The following MMEL1 variants were observed in gnomAD, a reference collection of about 807,000 sequenced individuals.
MMEL1 encodes membrane metalloendopeptidase like 1.
A neutral mutation model predicts 117.1 loss-of-function variants in MMEL1; 98 were observed. The observed-to-expected ratio is 0.84, with a 90% CI of 0.71 to 0.99. The LOEUF (loss-of-function observed/expected upper bound fraction) is 0.99. MMEL1 is among the 50% of genes least tolerant of loss of function. The probability of loss-of-function intolerance (pLI) is 0.00; values close to 1 mark genes in which losing one functional copy is unlikely to be tolerated. For missense variants in MMEL1, 1,014 were observed against 1,049.1 expected, an observed-to-expected ratio of 0.97 and a Z score of 0.46; for synonymous variants, 390 against 415.1, an observed-to-expected ratio of 0.94 and a Z score of 0.74.
chr1:2,598,451 G>T, intron 12 of MMEL1, 151 bp from the exon 13 acceptor site: 1 of 1,157,692 alleles, frequency 8.6e-7, no homozygotes, highest in Non-Finnish European at 1.2e-6. Context: ...CCAAGATCCA[G>T]CCCATCTGCC....
intron 11 of MMEL1, among the ~76,000 whole-genome samples, chr1:2,601,046 C>T (rs1055595019): frequency 7.2e-5 from 11 of 152,122 alleles, no homozygotes; most frequent in Non-Finnish European, 1.5e-4. Flanking sequence ...TCAAAGTGAT[C>T]CCTATCAAAT....
chr1:2,593,029 C>T (rs1488397978), intron 19 of MMEL1, 63 bp from the exon 20 acceptor site: 21 of 1,584,908 alleles, frequency 1.3e-5, no homozygotes, highest in Non-Finnish European at 1.7e-5. Context: ...GGCCCCACGG[C>T]AGCCACTGTG....
intron 11 of MMEL1, among the ~76,000 whole-genome samples, chr1:2,600,536 G>A (rs1644913707): frequency 6.6e-6 from 1 of 150,484 alleles, no homozygotes; most frequent in Non-Finnish European, 1.5e-5. Context: ...CTGTTTCTGG[G>A]AAAAAAAAAA....
chr1:2,591,682 A>C, intron 22 of MMEL1, 49 bp from the exon 23 acceptor site: 2 of 482,550 alleles, frequency 4.1e-6, no homozygotes, highest in Non-Finnish European at 7.9e-6. Context: ...TGGGGTGGCC[A>C]GGAGGGGTGG....
At chr1:2,607,341 G>A (rs377093461) in intron 6 of MMEL1, among the ~76,000 whole-genome samples, 95 of 152,266 alleles carry the variant, frequency 6.2e-4, no homozygotes, top group African/African-American at 2.1e-3. Context: ...CATGAGCCCC[G>A]GGGGACAAAG....
At position 2,596,650 on chromosome 1, in the gene MMEL1, C is replaced by T. The variant is rs1644846005; in HGVS notation, c.1312G>A (p.Glu438Lys). ...GTMVEEVRWR[E>K]CVGYVNSNME... ...TTGCTGTTGACGTAGCCCACACATT[C>T]ACGCCAGCGCACCTCCTCCACCATT... Residue 438 changes from glutamate (E) to lysine (K), a missense_variant, in exon 14 of 24, where the codon GAA becomes AAA. By Grantham distance (56) the Glu-to-Lys change is moderately conservative. Transcript: ENST00000378412. 5 of 1,613,146 alleles carry T rather than the reference C, an allele frequency of 3.1e-6. No individual in the cohort carries two copies. Among genetic ancestry groups the T allele is most frequent in the Non-Finnish European group, 3.4e-6 (4 of 1,179,842 alleles).
At chr1:2,594,932 G>T in intron 16 of MMEL1, 39 bp from the exon 17 acceptor site, 1 of 1,564,428 alleles carries the variant, frequency 6.4e-7, no homozygotes, top group Non-Finnish European at 8.8e-7. Flanking sequence ...TGCTGGGGCC[G>T]GGCCCTCAGA....
chr1:2,593,904 AG>A lies in MMEL1; in HGVS notation c.1776del (p.Phe593SerfsTer10). Reference protein sequence around the residue: ...IVFPAGILQPPFFSKEQPQAL... With the variant: ...IVFPAGILQPXFFSKEQPQAL... ...GCCTGTGGCTGCTCCTTGCTGAAGA[AG>A]GGGGGCTGGAGGATCCCGGCAGGGA... On this transcript the variant is annotated frameshift_variant, in exon 19 of 24. Transcript: ENST00000378412. LOFTEE classifies it high-confidence loss of function. 6.2e-7 allele frequency: 1 copy of A among 1,611,352 alleles called. No homozygotes were observed. Among genetic ancestry groups the A allele is most frequent in the Non-Finnish European group, 8.5e-7 (1 of 1,178,688 alleles).
At chr1:2,632,427 A>G (rs1557569148) in intron 1 of MMEL1, 1 of 152,294 alleles carries the variant, frequency 6.6e-6, no homozygotes, top group Non-Finnish European at 1.5e-5. Flanking sequence ...GTCTGAGCTC[A>G]GCTTCCACGA....
At chr1:2,624,609 C>T (rs934425963) in intron 2 of MMEL1, among the ~76,000 whole-genome samples, 1 of 152,222 alleles carries the variant, frequency 6.6e-6, no homozygotes, top group African/African-American at 2.4e-5. Flanking sequence ...AGAAGTATCT[C>T]AGACCCTCCC....
intron 6 of MMEL1, among the ~76,000 whole-genome samples, chr1:2,608,002 C>A (rs1645057226): frequency 6.6e-6 from 1 of 152,130 alleles, no homozygotes. Flanking sequence ...TCCAGTTTTC[C>A]ACATGGTCTG....
At chr1:2,592,136 G>C in intron 21 of MMEL1, 109 bp from the exon 22 acceptor site, 1 of 855,938 alleles carries the variant, frequency 1.2e-6, no homozygotes, top group Non-Finnish European at 1.8e-6. Context: ...CCCTGTGGGG[G>C]TCCTGCTGCT....
chr1:2,591,989 C>T lies in MMEL1; in HGVS notation c.2106G>A (p.Gln702=). ...GGGTGAGATCCAGGCCGGGCAGCTG[C>T]TGGTCCTTGCCACCCTCTGCCATCC... ...LKWMAEGGKD[Q]QLPGLDLTHE... Residue 702 remains glutamine, a synonymous_variant, in exon 22 of 24, where the codon CAG becomes CAA. Transcript: ENST00000378412. 6.2e-7 allele frequency: 1 copy of T among 1,613,344 alleles called. No homozygotes were observed. Among genetic ancestry groups the T allele is most frequent in the Non-Finnish European group, 8.5e-7 (1 of 1,179,842 alleles).
At chr1:2,620,350 C>T (rs536905559) in intron 2 of MMEL1, among the ~76,000 whole-genome samples, 4 of 152,074 alleles carry the variant, frequency 2.6e-5, no homozygotes, top group Admixed American at 1.3e-4. Flanking sequence ...GAAGGACGAG[C>T]GCTAAATAAA....
Position 2,592,671 on chromosome 1 carries a change from AC to A in MMEL1, c.2050del (p.Val684CysfsTer61), listed in dbSNP as rs775061503. Reference protein sequence around the residue: ...LGENIADNGGVRQAYKAYLKW... With the variant: ...LGENIADNGGXRQAYKAYLKW... Reference sequence around the variant, plus strand: ...AGGCCCCACCTTATAGGCTTGCCGCACCCCTCCGTTGTCAGCAATGTTTTCC... The same window carrying A: ...AGGCCCCACCTTATAGGCTTGCCGCACCCTCCGTTGTCAGCAATGTTTTCC... On this transcript the variant is annotated frameshift_variant, in exon 21 of 24. Transcript: ENST00000378412. LOFTEE classifies it high-confidence loss of function. The A allele has an allele frequency of 6.7e-7, 1 of 1,498,378 alleles. No homozygotes were observed. The allele number at this position is 1,498,378 out of a possible 1,614,324, so 92.8% of individuals were successfully genotyped here.
chr1:2,609,708 A>G lies in MMEL1; in HGVS notation c.416T>C (p.Phe139Ser). ...IPETNSRYSI[F>S]DVLRDELEVI... is the part of the protein sequence containing the mutation. ...CTCCAGCTCGTCGCGGAGGACGTCA[A>G]AGATGCTGTATCTTGAGTTGGTCTC... Residue 139 changes from phenylalanine to serine, a missense_variant, in exon 5 of 24, where the codon TTT becomes TCT. By Grantham distance (155) the Phe-to-Ser change is radical. Coordinates refer to ENST00000378412, the MANE Select transcript of MMEL1 (RefSeq NM_033467.4). 6.2e-7 allele frequency: 1 copy of G among 1,613,452 alleles called. No individual in the cohort carries two copies. The highest frequency in any genetic ancestry group is 8.5e-7 in the Non-Finnish European group (1 of 1,179,866).
At chr1:2,604,416 T>A in intron 9 of MMEL1, 135 bp from the exon 10 acceptor site, 2 of 1,266,842 alleles carry the variant, frequency 1.6e-6, no homozygotes, top group Non-Finnish European at 1.1e-6. Flanking sequence ...ACCAGCAGGC[T>A]CTCGGGCACA....
chr1:2,611,053 T>G (rs542118321), intron 4 of MMEL1, among the ~76,000 whole-genome samples: 2 of 152,314 alleles, frequency 1.3e-5, no homozygotes, highest in East Asian at 3.9e-4. Flanking sequence ...ATGCTGTTGC[T>G]GCAGGGCCTG....
Position 2,593,813 on chromosome 1 carries a change from C to A in MMEL1, c.1867+1G>T, listed in dbSNP as rs1644784501. 2.5e-6 allele frequency: 4 copies of A among 1,601,834 alleles called. No individual in the cohort carries two copies. In the South Asian group the frequency reaches 3.3e-5, roughly 13 times the overall value. Reference sequence around the variant, plus strand: ...GTGTGATTGGAGGGGCGGCCGCTCACCATTGTCGTCAAAGCCGTGCGTGAT... The same window carrying A: ...GTGTGATTGGAGGGGCGGCCGCTCAACATTGTCGTCAAAGCCGTGCGTGAT... On this transcript the variant is annotated splice_donor_variant, in intron 19 of 23. Coordinates refer to ENST00000378412, the MANE Select transcript of MMEL1 (RefSeq NM_033467.4). LOFTEE classifies it high-confidence loss of function.
Sources: gnomAD v4.1 joint callset for allele counts (sites outside exome capture counted in the v4.1 genomes callset) on GRCh38, gnomAD v4.1.1 for gene constraint, MANE v1.5 for transcripts, NCBI Gene and HGNC (gene_info 2026-07-23, HGNC 2026-07-21) for gene names.